The following NIBAN1 variants were observed in gnomAD, a reference collection of about 807,000 sequenced individuals.
NIBAN1 encodes the protein protein Niban 1.
Under a neutral mutation model 75.1 loss-of-function variants are expected in NIBAN1, and 81 were observed. That is an observed-to-expected ratio of 1.08 (90% CI 0.90 to 1.30). NIBAN1 has a LOEUF of 1.30. Among genes scored for constraint, NIBAN1 ranks in the 50% most tolerant of loss-of-function variants. The pLI is 0.00. For synonymous variants in NIBAN1, 436 were observed against 424.8 expected, an observed-to-expected ratio of 1.03 and a Z score of -0.32; for missense variants, 1,133 against 1,128.1, an observed-to-expected ratio of 1.00 and a Z score of -0.06.
chr1:184,889,697 T>G (rs1452527368), intron 4 of NIBAN1, among the ~76,000 whole-genome samples: 1 of 152,174 alleles, frequency 6.6e-6, no homozygotes, highest in Non-Finnish European at 1.5e-5. Context: ...TGACAGCACA[T>G]TTTCCATGTG....
At chr1:184,964,803 A>G (rs1658736747) in intron 1 of NIBAN1, among the ~76,000 whole-genome samples, 1 of 152,198 alleles carries the variant, frequency 6.6e-6, no homozygotes, top group Admixed American at 6.5e-5. Context: ...GAGGGTAGAG[A>G]TGATTTTGAA....
intron 6 of NIBAN1, among the ~76,000 whole-genome samples, chr1:184,830,387 T>C (rs1654964578): frequency 6.6e-6 from 1 of 152,206 alleles, no homozygotes; most frequent in Non-Finnish European, 1.5e-5. Flanking sequence ...CTCACACTTA[T>C]GAATGGCTGT....
intron 1 of NIBAN1, among the ~76,000 whole-genome samples, chr1:184,905,184 G>A (rs1657060285): frequency 1.3e-5 from 2 of 152,112 alleles, no homozygotes; most frequent in Admixed American, 6.6e-5. Flanking sequence ...CAGAACAGGA[G>A]AGGCTAAATC....
chr1:184,844,306 G>A (rs1655375635), intron 5 of NIBAN1, among the ~76,000 whole-genome samples: 1 of 152,116 alleles, frequency 6.6e-6, no homozygotes, highest in Non-Finnish European at 1.5e-5. Context: ...CAAATCACTG[G>A]CATTAATTGG....
intron 1 of NIBAN1, among the ~76,000 whole-genome samples, chr1:184,920,543 C>T (rs186748619): frequency 1.3e-5 from 2 of 152,260 alleles, no homozygotes; most frequent in African/African-American, 4.8e-5. Context: ...TTCCCTTCAC[C>T]CTTCCCAGCT....
In NIBAN1 at chr1:184,796,031, T is replaced by C. The variant is rs372177479; in HGVS notation, c.1733A>G (p.Glu578Gly). The change falls in exon 14 of 14, where the codon GAA becomes GGA. Residue 578 changes from glutamate to glycine, a missense_variant. Physicochemically the swap from Glu to Gly is moderately conservative, Grantham distance 98 (BLOSUM62 -2). Transcript: ENST00000367511. ...TAGATCTGTTAAGCTGGACACACTT[T>C]CACTGGGCAAGGCCATGTTATCTTC... The part of the protein sequence containing the change: ...LFEDNMALPS[E>G]SVSSLTDLKP... 1.9e-6 allele frequency: 3 copies of C among 1,609,068 alleles called. No homozygotes were observed. Among genetic ancestry groups the C allele is most frequent in the African/African-American group, 2.7e-5 (2 of 74,820 alleles).
chr1:184,840,507 T>A (rs1655255529), intron 5 of NIBAN1, among the ~76,000 whole-genome samples: 1 of 152,076 alleles, frequency 6.6e-6, no homozygotes, highest in African/African-American at 2.4e-5. Flanking sequence ...GGAAGAATGG[T>A]GTTTCTAGTA....
At chr1:184,932,117 A>C (rs1222634457) in intron 1 of NIBAN1, among the ~76,000 whole-genome samples, 2 of 152,226 alleles carry the variant, frequency 1.3e-5, no homozygotes, top group Admixed American at 6.5e-5. Context: ...GATCTAGAAT[A>C]GTGGTCCCCA....
chr1:184,823,552 A>T, intron 7 of NIBAN1, 86 bp downstream of exon 7: 4 of 1,405,312 alleles, frequency 2.8e-6, no homozygotes, highest in Non-Finnish European at 4.0e-6. Context: ...GGGAATATCA[A>T]CAACAACAAC....
chr1:184,946,876 C>G (rs1658238244), intron 1 of NIBAN1, among the ~76,000 whole-genome samples: 1 of 151,994 alleles, frequency 6.6e-6, no homozygotes, highest in South Asian at 2.1e-4. Flanking sequence ...GAGTTTGAGA[C>G]CAGCCTGACC....
intron 5 of NIBAN1, among the ~76,000 whole-genome samples, chr1:184,880,345 T>C (rs1364269076): frequency 5.3e-5 from 8 of 152,242 alleles, no homozygotes; most frequent in Admixed American, 6.5e-5. Context: ...CTGCCTACAC[T>C]GCAGCCATTG....
At chr1:184,811,639 C>T (rs991346339) in intron 9 of NIBAN1, among the ~76,000 whole-genome samples, 1 of 151,334 alleles carries the variant, frequency 6.6e-6, no homozygotes, top group Non-Finnish European at 1.5e-5. Flanking sequence ...CTACAGGCAC[C>T]CCGCCACCAC....
intron 1 of NIBAN1, among the ~76,000 whole-genome samples, chr1:184,904,136 T>G (rs1657026670): frequency 6.6e-6 from 1 of 152,042 alleles, no homozygotes; most frequent in Non-Finnish European, 1.5e-5. Flanking sequence ...CCTCAAGTGA[T>G]CCACCCGCCT....
intron 1 of NIBAN1, among the ~76,000 whole-genome samples, chr1:184,970,387 G>A (rs1163758412): frequency 6.6e-6 from 1 of 152,120 alleles, no homozygotes; most frequent in South Asian, 2.1e-4. Flanking sequence ...AGAAGCAAAT[G>A]TGTGGACTAG....
In NIBAN1 at chr1:184,808,076, C is replaced by G. The variant is rs1654257370; in HGVS notation, c.1333G>C (p.Glu445Gln). Residue 445 changes from glutamate (E) to glutamine (Q), a missense_variant and splice_region_variant, in exon 10 of 14, where the codon GAG becomes CAG. Physicochemically the swap from Glu to Gln is conservative, Grantham distance 29 (BLOSUM62 2). Transcript: ENST00000367511. ...ACGGATGCCCCTGCCACACCCACCT[C>G]CTGCATGTAGTTCTGTGTCCTCTGA... Reference protein sequence around the residue: ...VVQRTQNYMQELMENAVFTFE... With the variant: ...VVQRTQNYMQQLMENAVFTFE... The G allele has an allele frequency of 1.3e-5, 21 of 1,613,844 alleles. No individual in the cohort carries two copies. Among genetic ancestry groups the G allele is most frequent in the Non-Finnish European group, 1.7e-5 (20 of 1,179,874 alleles).
chr1:184,912,369 G>A (rs1423675426), intron 1 of NIBAN1, among the ~76,000 whole-genome samples: 1 of 152,148 alleles, frequency 6.6e-6, no homozygotes, highest in Non-Finnish European at 1.5e-5. Context: ...TACTGCGTGT[G>A]TTAAGAATAT....
chr1:184,807,760 G>A (rs537407134), intron 10 of NIBAN1, among the ~76,000 whole-genome samples: 9 of 152,240 alleles, frequency 5.9e-5, no homozygotes, highest in Admixed American at 1.3e-4. Context: ...GCCACTGCAC[G>A]CCAGCCTGGA....
chr1:184,890,401 T>C (rs1306530944), intron 3 of NIBAN1, among the ~76,000 whole-genome samples, 179 bp from the exon 4 acceptor site: 1 of 152,214 alleles, frequency 6.6e-6, no homozygotes, highest in Non-Finnish European at 1.5e-5. Flanking sequence ...AATGGCAAGG[T>C]AATATTTTAA....
chr1:184,941,681 G>C (rs1571591538), intron 1 of NIBAN1, among the ~76,000 whole-genome samples: 2 of 149,172 alleles, frequency 1.3e-5, no homozygotes, highest in South Asian at 2.1e-4. Context: ...ACCTGGGAAA[G>C]ATCCCATAGA....
Sources: gnomAD v4.1 joint callset for allele counts (sites outside exome capture counted in the v4.1 genomes callset) on GRCh38, gnomAD v4.1.1 for gene constraint, MANE v1.5 for transcripts, NCBI Gene and HGNC (gene_info 2026-07-23, HGNC 2026-07-21) for gene names.